Variants in SRSF10 observed in about 807,000 individuals in gnomAD.
The protein encoded by SRSF10 is serine and arginine rich splicing factor 10, also known as serine/arginine-rich splicing factor 10.
Under a neutral mutation model 32.6 loss-of-function variants are expected in SRSF10, and 9 were observed. The ratio of observed to expected loss-of-function variants is 0.28; its 90% CI spans 0.17 to 0.48. The LOEUF (loss-of-function observed/expected upper bound fraction) is 0.48, where lower values mean the gene tolerates loss of function less well. Among genes scored for constraint, SRSF10 ranks in the 20% least tolerant of loss-of-function variants. The pLI, the probability that SRSF10 is intolerant of heterozygous loss-of-function variation, is 0.99. For missense variants in SRSF10, 201 were observed against 331.8 expected (o/e 0.61, Z 3.06); for synonymous variants, 105 against 112.4 (o/e 0.93, Z 0.42).
Position 23,971,236 on chromosome 1 carries a change from G to T in SRSF10, c.695C>A (p.Pro232Gln). 1 of 1,613,968 alleles carries T rather than the reference G, an allele frequency of 6.2e-7. No homozygotes were observed. The highest frequency in any genetic ancestry group is 1.1e-5 in the South Asian group (1 of 91,064). Residue 232 changes from proline to glutamine, a missense_variant, in exon 6 of 6, where the codon CCA becomes CAA. Transcript: ENST00000492112. ...TCTTGACTGAGATTTGGATCTAGGT[G>T]GTTCTTTTTTCCTTGATTCCTTTTC... Reference protein sequence around the residue: ...RYEKESRKKEPPRSKSQSRSQ... With the variant: ...RYEKESRKKEQPRSKSQSRSQ...
At position 23,967,760 on chromosome 1, in the gene SRSF10, C is replaced by G. The variant is rs905842791; in HGVS notation, c.*3382G>C. On this transcript the variant is annotated 3_prime_UTR_variant, in exon 6 of 6. Coordinates refer to ENST00000492112, the MANE Select transcript of SRSF10 (RefSeq NM_054016.4). ...GAAGGATGTTTGTCAGTTTGGTTTCCTTTATTCTTCTCTGTGGTATACAGG... is the reference window on the plus strand; with the variant it reads ...GAAGGATGTTTGTCAGTTTGGTTTCGTTTATTCTTCTCTGTGGTATACAGG... The G allele has an allele frequency of 5.2e-5, 83 of 1,608,942 alleles. No homozygotes were observed. Among genetic ancestry groups the G allele is most frequent in the Non-Finnish European group, 6.6e-5 (78 of 1,177,022 alleles).
In SRSF10 at chr1:23,969,825, C is replaced by T; in HGVS notation, c.*1317G>A. ...TTGCTTAAAACTGACTAATCCTTTTCCCCAAATTACCTTAAATTTCATGGC... is the reference window on the plus strand; with the variant it reads ...TTGCTTAAAACTGACTAATCCTTTTTCCCAAATTACCTTAAATTTCATGGC... On this transcript the variant is annotated 3_prime_UTR_variant, in exon 6 of 6. Coordinates refer to ENST00000492112, the MANE Select transcript of SRSF10 (RefSeq NM_054016.4). 1.0e-6 allele frequency: 1 copy of T among 985,374 alleles called. No homozygotes were observed. The highest frequency in any genetic ancestry group is 1.2e-6 in the Non-Finnish European group (1 of 829,898). 61.0% of individuals were successfully genotyped at this position (985,374 alleles called of 1,614,324 possible).
rs1221524229 is a variant in SRSF10, at chr1:23,965,374, TAG to T, written c.*5766_*5767del. ...AGAATGAGATTTGGAAAGCCATGCTTAGAGTCTCTGAGCCACACAACCATAAG... is the reference window on the plus strand; with the variant it reads ...AGAATGAGATTTGGAAAGCCATGCTTAGTCTCTGAGCCACACAACCATAAG... On this transcript the variant is annotated 3_prime_UTR_variant, in exon 6 of 6. Coordinates refer to ENST00000492112, the MANE Select transcript of SRSF10 (RefSeq NM_054016.4). 1.3e-5 allele frequency: 2 copies of T among 151,986 alleles called. No homozygotes were observed. The highest frequency in any genetic ancestry group is 4.8e-5 in the African/African-American group (2 of 41,444). The allele number at this position is 151,986 out of a possible 1,614,324, so 9.4% of individuals were successfully genotyped here.
chr1:23,968,167 T>C lies in SRSF10; in HGVS notation c.*2975A>G, dbSNP rs767718319. On this transcript the variant is annotated 3_prime_UTR_variant, in exon 6 of 6. Transcript: ENST00000492112. ...AGATCCTCATCAAGTATCAGTAGGA[T>C]CCAAACTACCATGGGTTCAACTGTA... Among the ~76,000 whole-genome samples, 34 of 152,198 alleles carry C rather than the reference T, an allele frequency of 2.2e-4. No individual in the cohort carries two copies. Among genetic ancestry groups the C allele is most frequent in the Non-Finnish European group, 4.4e-4 (30 of 67,990 alleles).
chr1:23,967,763 T>C lies in SRSF10; in HGVS notation c.*3379A>G. On this transcript the variant is annotated 3_prime_UTR_variant, in exon 6 of 6. Transcript: ENST00000492112. ...GGATGTTTGTCAGTTTGGTTTCCTTTATTCTTCTCTGTGGTATACAGGATT... is the reference window on the plus strand; with the variant it reads ...GGATGTTTGTCAGTTTGGTTTCCTTCATTCTTCTCTGTGGTATACAGGATT... 6.2e-7 allele frequency: 1 copy of C among 1,609,264 alleles called. No homozygotes were observed.
At position 23,980,260 on chromosome 1, in the gene SRSF10, G is replaced by A. The variant is rs930943877; in HGVS notation, c.-5C>T. 2.7e-6 allele frequency: 4 copies of A among 1,492,384 alleles called. No individual in the cohort carries two copies. The South Asian group carries it at 5.0e-5, about 19-fold the overall frequency. 92.4% of individuals were successfully genotyped at this position (1,492,384 alleles called of 1,614,324 possible). On this transcript the variant is annotated 5_prime_UTR_variant, in exon 1 of 6. Transcript: ENST00000492112. Reference sequence around the variant, plus strand: ...GGGACGCAGGTAGCGGGACATGGCGGCGGCGTGTCTCGGCCGGGCGCACTA... The same window carrying A: ...GGGACGCAGGTAGCGGGACATGGCGACGGCGTGTCTCGGCCGGGCGCACTA...
In SRSF10 at chr1:23,967,456, A is replaced by C. The variant is rs1641507194; in HGVS notation, c.*3686T>G. 6.2e-6 allele frequency: 3 copies of C among 481,738 alleles called. No individual in the cohort carries two copies. The highest frequency in any genetic ancestry group is 7.5e-6 in the Non-Finnish European group (2 of 268,432). 29.8% of individuals were successfully genotyped at this position (481,738 alleles called of 1,614,324 possible). A position where few individuals can be genotyped will look rare whatever the true frequency, so the allele number is the denominator to read the frequency against. On this transcript the variant is annotated 3_prime_UTR_variant, in exon 6 of 6. Coordinates refer to ENST00000492112, the MANE Select transcript of SRSF10 (RefSeq NM_054016.4). ...TATTCATATTTAGGGATTAGTTTCCACAAGTACAAAGTTGAATTTCCTTTT... is the reference window on the plus strand; with the variant it reads ...TATTCATATTTAGGGATTAGTTTCCCCAAGTACAAAGTTGAATTTCCTTTT...
At chr1:23,977,146 C>T (rs1642141893) in intron 2 of SRSF10, 1 of 152,162 alleles carries the variant, frequency 6.6e-6, no homozygotes, top group Non-Finnish European at 1.5e-5. Context: ...GATCACTGGC[C>T]CTGCAGGAGT....
intron 2 of SRSF10, chr1:23,976,138 A>G (rs1237018312): frequency 6.6e-6 from 1 of 152,242 alleles, no homozygotes; most frequent in Non-Finnish European, 1.5e-5. Flanking sequence ...TTTTCATTCT[A>G]TCCCAAAAAT....
In SRSF10 at chr1:23,967,216, C is replaced by A; in HGVS notation, c.*3926G>T. The A allele has an allele frequency of 6.4e-6, 1 of 155,566 alleles. No homozygotes were observed. The highest frequency in any genetic ancestry group is 6.3e-5 in the Admixed American group (1 of 15,876). 9.6% of individuals were successfully genotyped at this position (155,566 alleles called of 1,614,324 possible). A position where few individuals can be genotyped will look rare whatever the true frequency, so the allele number is the denominator to read the frequency against. ...GATGCCAACAAAGCAAATGATTAAG[C>A]AGAAAACACTGGCACCAAAATAAAC... On this transcript the variant is annotated 3_prime_UTR_variant, in exon 6 of 6. Coordinates refer to ENST00000492112, the MANE Select transcript of SRSF10 (RefSeq NM_054016.4).
At position 23,966,194 on chromosome 1, in the gene SRSF10, A is replaced by T. The variant is rs1641440697; in HGVS notation, c.*4948T>A. On this transcript the variant is annotated 3_prime_UTR_variant, in exon 6 of 6. Coordinates refer to ENST00000492112, the MANE Select transcript of SRSF10 (RefSeq NM_054016.4). Reference sequence around the variant, plus strand: ...TTGCTGTGTGATCTTGGGCAAGTTCAAACAAAATTTCTAAAATAAAATACA... The same window carrying T: ...TTGCTGTGTGATCTTGGGCAAGTTCTAACAAAATTTCTAAAATAAAATACA... The T allele has an allele frequency of 6.6e-6, 1 of 151,964 alleles. No homozygotes were observed. The highest frequency in any genetic ancestry group is 6.6e-5 in the Admixed American group (1 of 15,260). 9.4% of individuals were successfully genotyped at this position (151,964 alleles called of 1,614,324 possible). A position where few individuals can be genotyped will look rare whatever the true frequency, so the allele number is the denominator to read the frequency against.
At chr1:23,978,017 G>A (rs1201649061) in intron 2 of SRSF10, 1 of 985,278 alleles carries the variant, frequency 1.0e-6, no homozygotes, top group Non-Finnish European at 1.2e-6. Context: ...GGCCAAATAT[G>A]ACAGATGGCT....
Position 23,965,132 on chromosome 1 carries a change from C to G in SRSF10, c.*6010G>C, listed in dbSNP as rs1480265342. 1 of 151,942 alleles carries G rather than the reference C, an allele frequency of 6.6e-6. No individual in the cohort carries two copies. The highest frequency in any genetic ancestry group is 1.5e-5 in the Non-Finnish European group (1 of 67,834). The allele number at this position is 151,942 out of a possible 1,614,324, so 9.4% of individuals were successfully genotyped here. On this transcript the variant is annotated 3_prime_UTR_variant, in exon 6 of 6. Coordinates refer to ENST00000492112, the MANE Select transcript of SRSF10 (RefSeq NM_054016.4). ...GCAATAACCGAAGACAAACAGGTTG[C>G]TCACTTCATCCTATTTATCAAGTCA...
rs1259176526 is a variant in SRSF10, at chr1:23,964,908, GGTTA to G, written c.*6230_*6233del. On this transcript the variant is annotated 3_prime_UTR_variant, in exon 6 of 6. Transcript: ENST00000492112. ...GGCCTTTTACTTCTTTACAAACTAC[GGTTA>G]GTTCTCAATGAATTTACATGCCTCA... The G allele has an allele frequency of 6.6e-6, 1 of 151,848 alleles. No individual in the cohort carries two copies. The highest frequency in any genetic ancestry group is 2.4e-5 in the African/African-American group (1 of 41,350). The allele number at this position is 151,848 out of a possible 1,614,324, so 9.4% of individuals were successfully genotyped here.
At position 23,970,305 on chromosome 1, in the gene SRSF10, T is replaced by TA. The variant is rs1641667940; in HGVS notation, c.*836dup. Reference sequence around the variant, plus strand: ...GCATCATTCCCCAAGACAGTGGGGTTAACAAAAGAACTAATCCACACTGCA... The same window carrying TA: ...GCATCATTCCCCAAGACAGTGGGGTTAAACAAAAGAACTAATCCACACTGCA... On this transcript the variant is annotated 3_prime_UTR_variant, in exon 6 of 6. Coordinates refer to ENST00000492112, the MANE Select transcript of SRSF10 (RefSeq NM_054016.4). The TA allele has an allele frequency of 2.0e-6, 2 of 983,734 alleles. No individual in the cohort carries two copies. The allele number at this position is 983,734 out of a possible 1,614,324, so 60.9% of individuals were successfully genotyped here.
In SRSF10 at chr1:23,964,754, G is replaced by T. The variant is rs1641371398; in HGVS notation, c.*6388C>A. The T allele has an allele frequency of 2.6e-5, 4 of 151,864 alleles. No individual in the cohort carries two copies. In the South Asian group the frequency reaches 8.3e-4, roughly 31 times the overall value. The allele number at this position is 151,864 out of a possible 1,614,324, so 9.4% of individuals were successfully genotyped here. A position where few individuals can be genotyped will look rare whatever the true frequency, so the allele number is the denominator to read the frequency against. Reference sequence around the variant, plus strand: ...CTCTTACACAAATTAGGAAAAAGTTGTACCCAGGTGGTTACAAATCTAAGA... The same window carrying T: ...CTCTTACACAAATTAGGAAAAAGTTTTACCCAGGTGGTTACAAATCTAAGA... On this transcript the variant is annotated 3_prime_UTR_variant, in exon 6 of 6. Transcript: ENST00000492112.
intron 1 of SRSF10, among the ~76,000 whole-genome samples, chr1:23,979,829 G>A (rs1362167549): frequency 1.3e-5 from 2 of 151,728 alleles, no homozygotes; most frequent in African/African-American, 4.8e-5. Context: ...TCTGGGCCAA[G>A]GGGGCGTGAA....
rs993118831 is a variant in SRSF10 at position 23,968,301 on chromosome 1, T to C, written c.*2841A>G. On this transcript the variant is annotated 3_prime_UTR_variant, in exon 6 of 6. Transcript: ENST00000492112. ...GACACAAGTAAAAATAAAAATGAAA[T>C]TAGGCCTTCTAGTTCTATACAGAAA... Among the ~76,000 whole-genome samples the C allele has an allele frequency of 1.5e-4, 23 of 152,186 alleles. No homozygotes were observed. In the East Asian group the frequency reaches 4.4e-3, roughly 29 times the overall value.
intron 1 of SRSF10, among the ~76,000 whole-genome samples, chr1:23,979,965 G>T (rs1185221236): frequency 1.3e-5 from 2 of 152,186 alleles, no homozygotes; most frequent in Non-Finnish European, 2.9e-5. Flanking sequence ...GAGGGGGAGG[G>T]GGACCGAAAA....
Sources: gnomAD v4.1 joint callset for allele counts (sites outside exome capture counted in the v4.1 genomes callset) on GRCh38, gnomAD v4.1.1 for gene constraint, MANE v1.5 for transcripts, NCBI Gene and HGNC (gene_info 2026-07-23, HGNC 2026-07-21) for gene names.